C10orf53: variants seen among roughly 807,000 people sequenced by gnomAD.
C10orf53 encodes UPF0728 protein C10orf53.
In C10orf53, 8 loss-of-function variants were observed where a neutral mutation model predicts 9.4. That is an observed-to-expected ratio of 0.85 (90% CI 0.50 to 1.53). C10orf53 has a LOEUF of 1.53. Among genes scored for constraint, C10orf53 ranks in the 40% most tolerant of loss-of-function variants. The probability of loss-of-function intolerance (pLI) is 0.00; values close to 1 mark genes in which losing one functional copy is unlikely to be tolerated. For missense variants in C10orf53, 117 were observed against 117.8 expected, an observed-to-expected ratio of 0.99 and a Z score of 0.03; for synonymous variants, 48 against 46.0, an observed-to-expected ratio of 1.04 and a Z score of -0.18.
intron 1 of C10orf53, among the ~76,000 whole-genome samples, chr10:49,692,635 A>G (rs1840595530): frequency 6.6e-6 from 1 of 152,230 alleles, no homozygotes; most frequent in African/African-American, 2.4e-5. Flanking sequence ...AAAGGTAATG[A>G]TCGGCACACC....
chr10:49,679,736 C>T lies in C10orf53; in HGVS notation c.39C>T (p.Pro13=), dbSNP rs1840460642. ...CAGTGGTCATCCTGCGCTATGGGCCCTACAGCGCGGCAGGCCTACCGGTGG... is the reference window on the plus strand; with the variant it reads ...CAGTGGTCATCCTGCGCTATGGGCCTTACAGCGCGGCAGGCCTACCGGTGG... ...KNAVVILRYG[P]YSAAGLPVEH... The change falls in exon 1 of 3, where the codon CCC becomes CCT. Residue 13 remains proline (P), a synonymous_variant. Transcript: ENST00000374111. 4 of 1,547,880 alleles carry T rather than the reference C, an allele frequency of 2.6e-6. No homozygotes were observed. Among genetic ancestry groups the T allele is most frequent in the African/African-American group, 1.4e-5 (1 of 72,778 alleles).
In C10orf53 at chr10:49,694,666, C is replaced by T. The variant is rs1840617996; in HGVS notation, c.*64C>T. 2 of 1,611,906 alleles carry T rather than the reference C, an allele frequency of 1.2e-6. No homozygotes were observed. The highest frequency in any genetic ancestry group is 2.2e-5 in the South Asian group (2 of 90,760). On this transcript the variant is annotated 3_prime_UTR_variant, in exon 3 of 3. Coordinates refer to ENST00000374111, the MANE Select transcript of C10orf53 (RefSeq NM_001042427.3). ...CAGCTGCCCCAGCCATTCTATGATG[C>T]AGGCAGAAGTGGCTGTGCCACGGTG...
In C10orf53 at chr10:49,679,681, G is replaced by T; in HGVS notation, c.-17G>T. On this transcript the variant is annotated 5_prime_UTR_variant, in exon 1 of 3. Transcript: ENST00000374111. ...CGTGTGTTTCTCCCTTGCCTCTGCGGCGGCGGAGGCCTGGCGATGCCCAAG... is the reference window on the plus strand; with the variant it reads ...CGTGTGTTTCTCCCTTGCCTCTGCGTCGGCGGAGGCCTGGCGATGCCCAAG... 1 of 1,544,800 alleles carries T rather than the reference G, an allele frequency of 6.5e-7. No homozygotes were observed. The highest frequency in any genetic ancestry group is 1.2e-5 in the South Asian group (1 of 83,416).
rs1266985593 is a variant in C10orf53 at position 49,696,161 on chromosome 10, T to A, written c.*1559T>A. On this transcript the variant is annotated 3_prime_UTR_variant, in exon 3 of 3. Coordinates refer to ENST00000374111, the MANE Select transcript of C10orf53 (RefSeq NM_001042427.3). ...GCACAATTTTGTAAGTTTTTAAAAA[T>A]TTTTCAACTTTTATTTTAGATACAG... The A allele has an allele frequency of 5.3e-5, 8 of 152,232 alleles. No individual in the cohort carries two copies. Among genetic ancestry groups the A allele is most frequent in the Admixed American group, 5.2e-4 (8 of 15,288 alleles). The allele number at this position is 152,232 out of a possible 1,614,324, so 9.4% of individuals were successfully genotyped here.
Position 49,695,901 on chromosome 10 carries a change from T to A in C10orf53, c.*1299T>A, listed in dbSNP as rs1011235684. 7 of 152,226 alleles carry A rather than the reference T, an allele frequency of 4.6e-5. No individual in the cohort carries two copies. Among genetic ancestry groups the A allele is most frequent in the Non-Finnish European group, 8.8e-5 (6 of 68,036 alleles). 9.4% of individuals were successfully genotyped at this position (152,226 alleles called of 1,614,324 possible). A position where few individuals can be genotyped will look rare whatever the true frequency, so the allele number is the denominator to read the frequency against. ...TGTAACCCTACATTTAGTCCCTTTTTTTCAAAACCCAGTTTAAGTTACTAT... is the reference window on the plus strand; with the variant it reads ...TGTAACCCTACATTTAGTCCCTTTTATTCAAAACCCAGTTTAAGTTACTAT... On this transcript the variant is annotated 3_prime_UTR_variant, in exon 3 of 3. Coordinates refer to ENST00000374111, the MANE Select transcript of C10orf53 (RefSeq NM_001042427.3).
At chr10:49,708,556 G>T in exon 3 of C10orf53, 2 of 1,614,176 alleles carry the variant, frequency 1.2e-6, no homozygotes, top group Non-Finnish European at 1.7e-6. Flanking sequence ...GACCTGGGTT[G>T]GCCAGGCCTG....
At chr10:49,686,741 C>T (rs909839151) in intron 1 of C10orf53, among the ~76,000 whole-genome samples, 5 of 152,250 alleles carry the variant, frequency 3.3e-5, no homozygotes, top group East Asian at 1.9e-4. Context: ...CTAGTCAGAC[C>T]GGTTGTCTGC....
chr10:49,703,377 C>A (rs1840698401), intron 2 of C10orf53, among the ~76,000 whole-genome samples: 1 of 152,148 alleles, frequency 6.6e-6, no homozygotes, highest in African/African-American at 2.4e-5. Context: ...TTCGCAACAC[C>A]CCCTCCCTTT....
intron 1 of C10orf53, among the ~76,000 whole-genome samples, chr10:49,681,070 T>A (rs374445199): frequency 6.6e-6 from 1 of 152,242 alleles, no homozygotes; most frequent in South Asian, 2.1e-4. Flanking sequence ...TTCCACTTTA[T>A]GATGGGCTTA....
In C10orf53 at chr10:49,679,777, G is replaced by T. The variant is rs1207450169; in HGVS notation, c.80G>T (p.Arg27Leu). 1.9e-6 allele frequency: 3 copies of T among 1,540,800 alleles called. No individual in the cohort carries two copies. The highest frequency in any genetic ancestry group is 1.4e-5 in the African/African-American group (1 of 72,416). Reference sequence around the variant, plus strand: ...CTACCGGTGGAGCACCACACCTTCCGCCTGCAGGGCCTGCAAGGTGGGCCT... The same window carrying T: ...CTACCGGTGGAGCACCACACCTTCCTCCTGCAGGGCCTGCAAGGTGGGCCT... ...AGLPVEHHTF[R>L]LQGLQAVLAI... Residue 27 changes from arginine (R) to leucine (L), a missense_variant, in exon 1 of 3, where the codon CGC becomes CTC. Arg to Leu is a moderately radical substitution (Grantham distance 102). Transcript: ENST00000374111.
At position 49,693,866 on chromosome 10, in the gene C10orf53, C is replaced by CACTGCA; in HGVS notation, c.193_198dup (p.Cys65_Asn66dup). 1 of 1,614,236 alleles carries CACTGCA rather than the reference C, an allele frequency of 6.2e-7. No individual in the cohort carries two copies. On this transcript the variant is annotated inframe_insertion, in exon 2 of 3. Coordinates refer to ENST00000374111, the MANE Select transcript of C10orf53 (RefSeq NM_001042427.3). ...CATGGTGAATGAAGAAGTCATCTTC[C>CACTGCA]ACTGCAACATTAAGGACTTGGAGTT... is the stretch of plus-strand genomic sequence containing the variant.
chr10:49,694,113 G>A (rs1840611877), intron 2 of C10orf53: 1 of 639,640 alleles, frequency 1.6e-6, no homozygotes, highest in African/African-American at 1.8e-5. Context: ...CCCAAACATT[G>A]GAAACAGGAA....
chr10:49,694,295 G>A (rs1840613537), intron 2 of C10orf53: 1 of 613,536 alleles, frequency 1.6e-6, no homozygotes, highest in South Asian at 2.1e-5. Context: ...TGCCAGCAGT[G>A]CATGACACTA....
intron 1 of C10orf53, among the ~76,000 whole-genome samples, chr10:49,681,449 T>C (rs1840478288): frequency 6.6e-6 from 1 of 152,166 alleles, no homozygotes; most frequent in Non-Finnish European, 1.5e-5. Context: ...GAGTTTGAGT[T>C]TGAAGGATGG....
downstream of C10orf53, among the ~76,000 whole-genome samples, chr10:49,702,019 T>C (rs1291148985): frequency 6.6e-6 from 1 of 152,034 alleles, no homozygotes; most frequent in Non-Finnish European, 1.5e-5. Flanking sequence ...CTGGCTAACA[T>C]GGTGAAACCC....
chr10:49,707,232 G>C (rs1015778042), intron 2 of C10orf53, among the ~76,000 whole-genome samples: 1 of 152,120 alleles, frequency 6.6e-6, no homozygotes, highest in Non-Finnish European at 1.5e-5. Context: ...GGGAAACTGG[G>C]TCTTAGTGGA....
At chr10:49,685,131 T>TACACACACACACGCACAC (rs1444538522) in intron 1 of C10orf53, among the ~76,000 whole-genome samples, 1 of 151,742 alleles carries the variant, frequency 6.6e-6, no homozygotes, top group Non-Finnish European at 1.5e-5. Context: ...AACACACACA[T>TACACACACACACGCACAC]ACACACACAC....
At chr10:49,708,484 A>G in exon 3 of C10orf53, 1 of 1,614,134 alleles carries the variant, frequency 6.2e-7, no homozygotes, top group Non-Finnish European at 8.5e-7. Context: ...AAGACCCAGG[A>G]CCTGACTTGT....
downstream of C10orf53, among the ~76,000 whole-genome samples, chr10:49,697,596 G>C (rs1052049929): frequency 1.3e-5 from 2 of 152,200 alleles, no homozygotes; most frequent in Non-Finnish European, 2.9e-5. Flanking sequence ...CTGTCACCGA[G>C]GCTGGAGTGC....
Sources: allele counts gnomAD v4.1 joint callset (sites outside exome capture counted in the v4.1 genomes callset), GRCh38; gene constraint gnomAD v4.1.1; transcripts MANE v1.5; gene names NCBI Gene and HGNC (gene_info 2026-07-23, HGNC 2026-07-21).